FOXP1: variants seen among roughly 807,000 people sequenced by gnomAD.
FOXP1 encodes forkhead box protein P1.
A neutral mutation model predicts 98.2 loss-of-function variants in FOXP1; 15 were observed. The observed-to-expected ratio is 0.15, with a 90% CI of 0.10 to 0.24. FOXP1 has a LOEUF of 0.24. Among genes scored for constraint, FOXP1 ranks in the 10% least tolerant of loss-of-function variants. The pLI is 1.00. For synonymous variants in FOXP1, 371 were observed against 314.5 expected, an observed-to-expected ratio of 1.18 and a Z score of -1.90; for missense variants, 633 against 848.5, an observed-to-expected ratio of 0.75 and a Z score of 3.15.
chr3:71,036,208 T>C (rs1192147994), intron 11 of FOXP1, among the ~76,000 whole-genome samples: 2 of 152,082 alleles, frequency 1.3e-5, no homozygotes, highest in African/African-American at 4.8e-5. Flanking sequence ...CTGCCAACTG[T>C]GGAGTGGAGA....
At chr3:71,254,801 A>T (rs2068496294) in intron 5 of FOXP1, among the ~76,000 whole-genome samples, 1 of 152,190 alleles carries the variant, frequency 6.6e-6, no homozygotes, top group Non-Finnish European at 1.5e-5. Context: ...ACAGGGTAAA[A>T]GCAAATCCAC....
At chr3:71,396,391 A>G (rs2081374103) in intron 3 of FOXP1, among the ~76,000 whole-genome samples, 1 of 152,174 alleles carries the variant, frequency 6.6e-6, no homozygotes, top group Admixed American at 6.5e-5. Context: ...GGAAGCAGAC[A>G]CACTATTATC....
At chr3:71,399,038 C>A (rs2081761169) in intron 3 of FOXP1, among the ~76,000 whole-genome samples, 1 of 152,092 alleles carries the variant, frequency 6.6e-6, no homozygotes, top group African/African-American at 2.4e-5. Flanking sequence ...TTGATTTAGA[C>A]ATAAAAGTTA....
chr3:71,556,558 C>A (rs913386823), intron 2 of FOXP1, among the ~76,000 whole-genome samples: 1 of 112,490 alleles, frequency 8.9e-6, no homozygotes, highest in Non-Finnish European at 1.6e-5. Context: ...GGCTGGGCGA[C>A]AGAGCGAGAC....
chr3:71,423,962 A>T (rs2083879035), intron 3 of FOXP1, among the ~76,000 whole-genome samples: 2 of 152,162 alleles, frequency 1.3e-5, no homozygotes, highest in African/African-American at 4.8e-5. Flanking sequence ...TATTTTATGT[A>T]CATATTTATT....
chr3:71,412,906 A>C (rs969051370), intron 3 of FOXP1, among the ~76,000 whole-genome samples: 2 of 152,208 alleles, frequency 1.3e-5, no homozygotes, highest in Non-Finnish European at 2.9e-5. Flanking sequence ...AATATAGGCT[A>C]ACCGGCTGGA....
At chr3:71,170,074 G>C (rs1489972811) in intron 6 of FOXP1, among the ~76,000 whole-genome samples, 1 of 152,154 alleles carries the variant, frequency 6.6e-6, no homozygotes, top group Non-Finnish European at 1.5e-5. Context: ...TGCTTAATGA[G>C]AGGAGAACTG....
chr3:71,347,662 G>T (rs895181552), intron 4 of FOXP1, among the ~76,000 whole-genome samples: 11 of 152,114 alleles, frequency 7.2e-5, no homozygotes, highest in African/African-American at 2.4e-4. Flanking sequence ...GAGGTGGGTG[G>T]ATCACCTGAG....
chr3:71,129,017 T>C (rs1445129455), intron 6 of FOXP1, among the ~76,000 whole-genome samples: 1 of 152,204 alleles, frequency 6.6e-6, no homozygotes, highest in African/African-American at 2.4e-5. Context: ...GGTCACATGT[T>C]TATTTGCTTC....
chr3:71,495,525 G>C (rs1002908769), intron 2 of FOXP1, among the ~76,000 whole-genome samples: 1 of 152,084 alleles, frequency 6.6e-6, no homozygotes. Context: ...GTAACTTTTC[G>C]GTACTCTCTA....
chr3:71,314,530 AATAT>A (rs59655430), intron 4 of FOXP1, among the ~76,000 whole-genome samples: 1 of 143,372 alleles, frequency 7.0e-6, no homozygotes. Context: ...CCGTCTAAAA[AATAT>A]ATATATATAT....
At chr3:71,395,123 A>AT (rs2081293144) in intron 3 of FOXP1, among the ~76,000 whole-genome samples, 1 of 150,836 alleles carries the variant, frequency 6.6e-6, no homozygotes, top group Non-Finnish European at 1.5e-5. Flanking sequence ...AAAAAAAAAA[A>AT]AATTGAACTG....
intron 3 of FOXP1, among the ~76,000 whole-genome samples, chr3:71,465,475 A>C (rs1438247472): frequency 2.0e-5 from 3 of 152,146 alleles, no homozygotes; most frequent in Non-Finnish European, 4.4e-5. Flanking sequence ...TTAAGATGGA[A>C]CAGCCAGGAC....
rs11385181 is a variant in FOXP1 at position 71,580,403 on chromosome 3, GA to G, written c.-298+1145del. 4.0e-3 allele frequency among the ~76,000 whole-genome samples: 599 copies of G among 151,600 alleles called. 3 individuals carry two copies. The highest frequency in any genetic ancestry group is 0.017 in the Admixed American group (256 of 15,244). On this transcript the variant is annotated intron_variant, in intron 2 of 20. Transcript: ENST00000649528. Reference sequence around the variant, plus strand: ...GTTTCAAATAGAAAGACAGAGGGGGGAAAAAAACAGTCCAAATTTCTGAAAC... The same window carrying G: ...GTTTCAAATAGAAAGACAGAGGGGGGAAAAAACAGTCCAAATTTCTGAAAC...
At chr3:71,064,472 A>G (rs2052063144) in intron 7 of FOXP1, among the ~76,000 whole-genome samples, 1 of 152,082 alleles carries the variant, frequency 6.6e-6, no homozygotes, top group Non-Finnish European at 1.5e-5. Flanking sequence ...AGAGAGAGAA[A>G]CACACAAGCA....
rs2032292958 is a variant in FOXP1, at chr3:70,958,201, A to AAT, written c.*1045_*1046insAT. ...GCATTTATTAATGGTTGCTGCAAAA[A>AAT]AAAAAAAAGAAAAGAAAAGAAAAAA... On this transcript the variant is annotated 3_prime_UTR_variant, in exon 21 of 21. Transcript: ENST00000649528. 4.6e-6 allele frequency: 2 copies of AAT among 437,200 alleles called. No homozygotes were observed. The highest frequency in any genetic ancestry group is 4.1e-5 in the African/African-American group (2 of 49,008). The allele number at this position is 437,200 out of a possible 1,614,324, so 27.1% of individuals were successfully genotyped here.
intron 12 of FOXP1, among the ~76,000 whole-genome samples, chr3:71,010,474 T>C (rs2043429528): frequency 6.6e-6 from 1 of 152,162 alleles, no homozygotes; most frequent in South Asian, 2.1e-4. Flanking sequence ...TGTGAAGCAT[T>C]TCGGGACTAT....
intron 2 of FOXP1, among the ~76,000 whole-genome samples, chr3:71,502,270 T>C (rs1577883110): frequency 6.6e-6 from 1 of 152,052 alleles, no homozygotes; most frequent in African/African-American, 2.4e-5. Flanking sequence ...GGCGGCCCGG[T>C]CCCCAAGGCC....
chr3:71,016,959 A>G (rs185793218), intron 11 of FOXP1, among the ~76,000 whole-genome samples: 6 of 152,244 alleles, frequency 3.9e-5, no homozygotes, highest in African/African-American at 1.4e-4. Context: ...TATAATTTAA[A>G]GATAATAACA....
Sources: gnomAD v4.1 joint callset for allele counts (sites outside exome capture counted in the v4.1 genomes callset) on GRCh38, gnomAD v4.1.1 for gene constraint, MANE v1.5 for transcripts, NCBI Gene and HGNC (gene_info 2026-07-23, HGNC 2026-07-21) for gene names.